BOD1L1: variants seen among roughly 807,000 people sequenced by gnomAD.
BOD1L1 encodes biorientation of chromosomes in cell division protein 1-like 1.
BOD1L1 carries 86 observed loss-of-function variants against 240.7 expected under a neutral mutation model. The observed-to-expected ratio is 0.36, with a 90% CI of 0.30 to 0.43. BOD1L1 has a LOEUF of 0.43. Ranked by LOEUF, BOD1L1 falls within the 20% of genes least tolerant of loss-of-function variation. BOD1L1 has a pLI of 1.00. For synonymous variants in BOD1L1, 1,268 were observed against 1,272.3 expected (o/e 1.00, Z 0.07); for missense variants, 3,554 against 3,643.5 (o/e 0.98, Z 0.63).
At chr4:13,620,310 C>T (rs1716951262) in intron 1 of BOD1L1, among the ~76,000 whole-genome samples, 2 of 152,086 alleles carry the variant, frequency 1.3e-5, no homozygotes, top group East Asian at 1.9e-4. Context: ...AAATAAGACA[C>T]GAACAAGTGT....
At chr4:13,577,204 C>T (rs561452995) in intron 24 of BOD1L1, among the ~76,000 whole-genome samples, 199 bp downstream of exon 24, 4 of 152,076 alleles carry the variant, frequency 2.6e-5, no homozygotes, top group African/African-American at 4.8e-5. Flanking sequence ...TCACAGCCAG[C>T]GTTCATAAAA....
chr4:13,604,915 A>G lies in BOD1L1; in HGVS notation c.1985T>C (p.Val662Ala). ...REHKRRTSTP[V>A]IMEGVQEETD... The stretch of plus-strand genomic sequence containing the variant: ...CTCTTCCTGTACCCCCTCCATGATA[A>G]CAGGGGTAGATGTCCGTCTTTTATG... The change falls in exon 10 of 26, where the codon GTT becomes GCT. Residue 662 changes from valine to alanine, a missense_variant. Val to Ala is a moderately conservative substitution (Grantham distance 64). Coordinates refer to ENST00000040738, the MANE Select transcript of BOD1L1 (RefSeq NM_148894.3). 6.2e-7 allele frequency: 1 copy of G among 1,613,400 alleles called. No individual in the cohort carries two copies. Among genetic ancestry groups the G allele is most frequent in the East Asian group, 2.2e-5 (1 of 44,852 alleles).
Position 13,604,205 on chromosome 4 carries a change from G to T in BOD1L1, c.2695C>A (p.Arg899=), listed in dbSNP as rs1200954846. The T allele has an allele frequency of 3.7e-6, 6 of 1,613,374 alleles. No individual in the cohort carries two copies. The highest frequency in any genetic ancestry group is 1.3e-5 in the African/African-American group (1 of 74,848). ...PEEVVHKEKR[R]TKSLLEEKLV... ...TTCTCTTCTAACAAGCTCTTTGTTC[G>T]TCGTTTCTCCTTGTGAACAACCTCT... The change falls in exon 10 of 26, where the codon CGA becomes AGA. Residue 899 remains arginine (R), a synonymous_variant. Coordinates refer to ENST00000040738, the MANE Select transcript of BOD1L1 (RefSeq NM_148894.3).
At chr4:13,575,718 G>C (rs1005984064) in intron 25 of BOD1L1, among the ~76,000 whole-genome samples, 1 of 152,124 alleles carries the variant, frequency 6.6e-6, no homozygotes, top group African/African-American at 2.4e-5. Context: ...GTGATTAACG[G>C]TTAGGATGAG....
chr4:13,581,928 C>A (rs905359370), intron 19 of BOD1L1, among the ~76,000 whole-genome samples: 1 of 152,158 alleles, frequency 6.6e-6, no homozygotes, highest in Non-Finnish European at 1.5e-5. Context: ...TGTGCCTGGC[C>A]TGGCAGCTCA....
In BOD1L1 at chr4:13,600,030, G is replaced by A. The variant is rs16888884; in HGVS notation, c.6870C>T (p.Thr2290=). Residue 2290 remains threonine (T), a synonymous_variant, in exon 10 of 26, where the codon ACC becomes ACT. Transcript: ENST00000040738. ...CAGAGGTGCTTGTGGAAATCATGGC[G>A]GTGTCACCCATCTCTTCCGCTGGTG... ...SVTPAEEMGD[T]AMISTSTSEG... 52 of 1,608,986 alleles carry A rather than the reference G, an allele frequency of 3.2e-5. No individual in the cohort carries two copies. Among genetic ancestry groups the A allele is most frequent in the South Asian group, 1.0e-4 (9 of 90,204 alleles).
chr4:13,573,926 C>T (rs1006281971), intron 25 of BOD1L1, among the ~76,000 whole-genome samples: 1 of 152,158 alleles, frequency 6.6e-6, no homozygotes, highest in African/African-American at 2.4e-5. Context: ...ATCTTCCTGC[C>T]TCAGCCTCCT....
At chr4:13,580,951 A>G (rs747195770) in intron 21 of BOD1L1, 69 bp downstream of exon 21, 66 of 1,378,918 alleles carry the variant, frequency 4.8e-5, no homozygotes, top group Non-Finnish European at 5.6e-5. Flanking sequence ...AAAATACTAG[A>G]TATTGCATTA....
chr4:13,592,490 T>A (rs1400799138), intron 12 of BOD1L1: 1 of 152,446 alleles, frequency 6.6e-6, no homozygotes, highest in Non-Finnish European at 1.5e-5. Context: ...GATCTCTTAC[T>A]GAACTGTACC....
intron 8 of BOD1L1, among the ~76,000 whole-genome samples, chr4:13,607,960 T>C (rs567287059): frequency 1.3e-5 from 2 of 152,324 alleles, no homozygotes; most frequent in East Asian, 3.9e-4. Flanking sequence ...TTTACATAAA[T>C]GCAACTTGAT....
intron 2 of BOD1L1, 52 bp from the exon 3 acceptor site, chr4:13,615,554 A>C: frequency 6.9e-7 from 1 of 1,454,374 alleles, no homozygotes; most frequent in Non-Finnish European, 9.4e-7. Flanking sequence ...TATTATTTGC[A>C]TTAATTACTT....
chr4:13,617,751 T>C (rs1246604798), intron 2 of BOD1L1, among the ~76,000 whole-genome samples: 1 of 152,184 alleles, frequency 6.6e-6, no homozygotes, highest in Non-Finnish European at 1.5e-5. Context: ...CTTACAAAAA[T>C]GGCAAGTGCA....
chr4:13,594,969 C>A (rs1437032038), intron 12 of BOD1L1, among the ~76,000 whole-genome samples: 5 of 152,186 alleles, frequency 3.3e-5, no homozygotes, highest in African/African-American at 1.2e-4. Flanking sequence ...GGATTTTCTT[C>A]ATTTACTTTA....
Position 13,592,259 on chromosome 4 carries a change from G to A in BOD1L1, c.8105-293C>T, listed in dbSNP as rs899553853. On this transcript the variant is annotated intron_variant, in intron 12 of 25. Transcript: ENST00000040738. ...GATTTAACTATGTTGGTGATCTGAA[G>A]CTTAGAAAAAAAGTAAAAGACCTTA... is the stretch of plus-strand genomic sequence containing the variant. 131 of 303,172 alleles carry A rather than the reference G, an allele frequency of 4.3e-4. 1 individual carries two copies. The highest frequency in any genetic ancestry group is 6.7e-5 in the Non-Finnish European group (11 of 164,548). The allele number at this position is 303,172 out of a possible 1,614,324, so 18.8% of individuals were successfully genotyped here. A position where few individuals can be genotyped will look rare whatever the true frequency, so the allele number is the denominator to read the frequency against.
rs148363183 is a variant in BOD1L1, at chr4:13,602,066, C to T, written c.4834G>A (p.Glu1612Lys). 2,024 of 1,614,012 alleles carry T rather than the reference C, an allele frequency of 1.3e-3. 2 individuals carry two copies. Among genetic ancestry groups the T allele is most frequent in the Non-Finnish European group, 1.3e-3 (1,503 of 1,179,900 alleles). ...ESETFLTSTK[E>K]GESGECAVAE... ...ACAGCACACTCCCCACTTTCCCCTT[C>T]CTTAGTGCTTGTGAGGAAGGTTTCA... Residue 1612 changes from glutamate to lysine, a missense_variant, in exon 10 of 26, where the codon GAA becomes AAA. Transcript: ENST00000040738.
Position 13,602,756 on chromosome 4 carries a change from C to A in BOD1L1, c.4144G>T (p.Val1382Leu). ...AACTTACTTCCAAGAGGCATGATTA[C>A]CTTTCCTTGTTTACCATCCAATAAA... Reference protein sequence around the residue: ...ATLLDGKQGKVIMPLGSKLTG... With the variant: ...ATLLDGKQGKLIMPLGSKLTG... The change falls in exon 10 of 26, where the codon GTA (valine) becomes TTA (leucine). Residue 1382 changes from valine to leucine, a missense_variant. Physicochemically the swap from Val to Leu is conservative, Grantham distance 32. Coordinates refer to ENST00000040738, the MANE Select transcript of BOD1L1 (RefSeq NM_148894.3). 1 of 1,614,020 alleles carries A rather than the reference C, an allele frequency of 6.2e-7. No homozygotes were observed. The highest frequency in any genetic ancestry group is 8.5e-7 in the Non-Finnish European group (1 of 1,179,894).
intron 5 of BOD1L1, among the ~76,000 whole-genome samples, chr4:13,612,660 T>C (rs1394809464): frequency 6.6e-6 from 1 of 152,192 alleles, no homozygotes; most frequent in South Asian, 2.1e-4. Context: ...GCCTTTACCA[T>C]TAGCTTCTGG....
At position 13,607,541 on chromosome 4, in the gene BOD1L1, A is replaced by C. The variant is rs372141053; in HGVS notation, c.1743-352T>G. 4.4e-3 allele frequency among the ~76,000 whole-genome samples: 669 copies of C among 151,812 alleles called. 5 individuals are homozygous for C. Among genetic ancestry groups the C allele is most frequent in the African/African-American group, 0.015 (631 of 41,486 alleles). ...TCAAACTCCTGACCTCATGTGTTCC[A>C]CCCGCCTCTGCCTCCCGAAGTGCTG... On this transcript the variant is annotated intron_variant, in intron 8 of 25. Transcript: ENST00000040738.
chr4:13,599,474 G>A lies in BOD1L1; in HGVS notation c.7426C>T (p.Pro2476Ser), dbSNP rs747453924. The A allele has an allele frequency of 1.2e-6, 2 of 1,613,896 alleles. No homozygotes were observed. The highest frequency in any genetic ancestry group is 2.2e-5 in the South Asian group (2 of 91,076). Residue 2476 changes from proline (P) to serine (S), a missense_variant, in exon 10 of 26, where the codon CCA becomes TCA. Around this residue, in one of 2 missense-constraint regions of BOD1L1, gnomAD observed 3,393 missense variants for 3,427.1 expected, o/e 0.99. Coordinates refer to ENST00000040738, the MANE Select transcript of BOD1L1 (RefSeq NM_148894.3). ...CTGCCCCCTGCTGTCCCTGTCTCTG[G>A]GCTCTTATCTTCTTTCTGAAGGGAG... ...LNSLQKEDKS[P>S]ETGTAGGSST...
Sources: gnomAD v4.1 joint callset for allele counts (sites outside exome capture counted in the v4.1 genomes callset) on GRCh38, gnomAD v4.1.1 for gene constraint, gnomAD v4.1.1 regional missense constraint, MANE v1.5 for transcripts, NCBI Gene and HGNC (gene_info 2026-07-23, HGNC 2026-07-21) for gene names.